The following CFAP44 variants were observed in gnomAD, a reference collection of about 807,000 sequenced individuals.
CFAP44 encodes cilia- and flagella-associated protein 44.
In CFAP44, 134 loss-of-function variants were observed where a neutral mutation model predicts 216.2. The observed-to-expected ratio is 0.62, with a 90% CI of 0.54 to 0.72. The LOEUF (loss-of-function observed/expected upper bound fraction) is 0.72, where lower values mean the gene tolerates loss of function less well. Ranked by LOEUF, CFAP44 falls within the 30% of genes least tolerant of loss-of-function variation. The probability of loss-of-function intolerance (pLI) is 0.00; values close to 1 mark genes in which losing one functional copy is unlikely to be tolerated. For synonymous variants in CFAP44, 700 were observed against 727.6 expected (o/e 0.96, Z 0.61); for missense variants, 2,035 against 2,182.1 (o/e 0.93, Z 1.34).
In CFAP44 at chr3:113,363,278, T is replaced by A. The variant is rs767041703; in HGVS notation, c.2801A>T (p.His934Leu). 6.2e-7 allele frequency: 1 copy of A among 1,611,362 alleles called. No individual in the cohort carries two copies. The highest frequency in any genetic ancestry group is 1.1e-5 in the South Asian group (1 of 89,912). ...TCCCACTTCTTTCATTAACTTGTCA[T>A]GTTCTCTTTTTCTCCTAGCATTCTC... The part of the protein sequence containing the change: ...SIENARRKRE[H>L]DKLMKEVGEI... Residue 934 changes from histidine (H) to leucine (L), a missense_variant, in exon 21 of 35, where the codon CAT (histidine) becomes CTT (leucine). Transcript: ENST00000393845.
chr3:113,367,644 C>T (rs987443400), intron 18 of CFAP44, among the ~76,000 whole-genome samples: 1 of 152,160 alleles, frequency 6.6e-6, no homozygotes. Context: ...AGCAGAAAAG[C>T]TGAAAATTCC....
chr3:113,421,677 C>T (rs1432450073), intron 4 of CFAP44, among the ~76,000 whole-genome samples: 1 of 152,180 alleles, frequency 6.6e-6, no homozygotes, highest in Non-Finnish European at 1.5e-5. Flanking sequence ...GAAATCATGT[C>T]CTTTGCATCA....
Position 113,424,781 on chromosome 3 carries a change from A to G in CFAP44, c.407+1343T>C, listed in dbSNP as rs534646620. ...ACAGCCACCCATCCAGCACGAATAGAGATAATTCATATATTGGAATAAAAG... is the reference window on the plus strand; with the variant it reads ...ACAGCCACCCATCCAGCACGAATAGGGATAATTCATATATTGGAATAAAAG... On this transcript the variant is annotated intron_variant, in intron 4 of 34. Coordinates refer to ENST00000393845, the MANE Select transcript of CFAP44 (RefSeq NM_001164496.2). 2.0e-5 allele frequency among the ~76,000 whole-genome samples: 3 copies of G among 152,330 alleles called. No homozygotes were observed. In the South Asian group the frequency reaches 6.2e-4, roughly 32 times the overall value.
At position 113,355,186 on chromosome 3, in the gene CFAP44, C is replaced by A. The variant is rs995581221; in HGVS notation, c.3065+3559G>T. Among the ~76,000 whole-genome samples the A allele has an allele frequency of 3.3e-5, 5 of 152,104 alleles. No homozygotes were observed. In the East Asian group the frequency reaches 9.6e-4, roughly 29 times the overall value. On this transcript the variant is annotated intron_variant, in intron 22 of 34. Transcript: ENST00000393845. ...CACCACTAAAGAACTTTTCATGTAA[C>A]CAAACACTACCTGTTCCCCCAAAAA...
chr3:113,322,297 T>C (rs1950152515), intron 28 of CFAP44, among the ~76,000 whole-genome samples: 1 of 152,142 alleles, frequency 6.6e-6, no homozygotes, highest in African/African-American at 2.4e-5. Flanking sequence ...ATAAATGGTG[T>C]TGGGATAACT....
chr3:113,416,213 G>A (rs183893431), intron 6 of CFAP44, among the ~76,000 whole-genome samples: 4 of 151,214 alleles, frequency 2.6e-5, no homozygotes, highest in South Asian at 4.2e-4. Context: ...CCATTTACTT[G>A]GTAAATTTTC....
At position 113,289,073 on chromosome 3, in the gene CFAP44, C is replaced by A. The variant is rs972598886; in HGVS notation, c.*2484G>T. 6.6e-6 allele frequency: 1 copy of A among 152,136 alleles called. No individual in the cohort carries two copies. Among genetic ancestry groups the A allele is most frequent in the Admixed American group, 6.5e-5 (1 of 15,276 alleles). 9.4% of individuals were successfully genotyped at this position (152,136 alleles called of 1,614,324 possible). A position where few individuals can be genotyped will look rare whatever the true frequency, so the allele number is the denominator to read the frequency against. The stretch of plus-strand genomic sequence containing the variant: ...CAGGAGCAGGATAGCTTCCCAGCCA[C>A]CCTGCCCATGCCACACCCTGCTGGT... On this transcript the variant is annotated 3_prime_UTR_variant, in exon 35 of 35. Transcript: ENST00000393845.
chr3:113,353,022 G>C (rs1161831266), intron 22 of CFAP44, among the ~76,000 whole-genome samples: 4 of 152,162 alleles, frequency 2.6e-5, no homozygotes, highest in Admixed American at 6.5e-5. Flanking sequence ...AGGAGTTAAG[G>C]AAAAGAGGAT....
At chr3:113,336,070 T>A (rs1429739061) in intron 24 of CFAP44, among the ~76,000 whole-genome samples, 4 of 152,228 alleles carry the variant, frequency 2.6e-5, no homozygotes, top group African/African-American at 9.6e-5. Context: ...AACTCAATGC[T>A]TAGGAGGAAA....
chr3:113,363,682 C>A, intron 19 of CFAP44, 150 bp from the exon 20 acceptor site: 1 of 698,792 alleles, frequency 1.4e-6, no homozygotes. Flanking sequence ...ATCAGTTTCA[C>A]AAAAATCCAA....
At chr3:113,382,530 C>T (rs1255864652) in intron 15 of CFAP44, among the ~76,000 whole-genome samples, 1 of 151,714 alleles carries the variant, frequency 6.6e-6, no homozygotes, top group Admixed American at 6.6e-5. Flanking sequence ...AATATAAGAT[C>T]AAGGAAGTTA....
In CFAP44 at chr3:113,409,150, A is replaced by G; in HGVS notation, c.846T>C (p.Pro282=). ...ATGTAGTAAGCTGCTCTTCCTTATC[A>G]GGATTGAAAGTAACCTTAAAAACTT... The part of the protein sequence containing the change: ...SQEVFKVTFN[P]DKEEQLTTSG... Residue 282 remains proline, a synonymous_variant, in exon 7 of 35, where the codon CCT becomes CCC. Transcript: ENST00000393845. 2.5e-6 allele frequency: 4 copies of G among 1,614,018 alleles called. No individual in the cohort carries two copies. The highest frequency in any genetic ancestry group is 1.3e-5 in the African/African-American group (1 of 75,002).
chr3:113,430,430 A>G (rs958403307), intron 2 of CFAP44, among the ~76,000 whole-genome samples: 7 of 66,834 alleles, frequency 1.0e-4, no homozygotes, highest in Non-Finnish European at 2.0e-4. Flanking sequence ...AAAATAAATG[A>G]AAAAAAAAAA....
intron 29 of CFAP44, among the ~76,000 whole-genome samples, chr3:113,306,700 G>C (rs1275473763): frequency 6.6e-6 from 1 of 152,102 alleles, no homozygotes; most frequent in Non-Finnish European, 1.5e-5. Flanking sequence ...TGGGATTCAA[G>C]TGCATTATCT....
At chr3:113,428,954 C>T (rs955971109) in intron 2 of CFAP44, 3 of 152,034 alleles carry the variant, frequency 2.0e-5, no homozygotes, top group Non-Finnish European at 2.9e-5. Context: ...TACTGCTTCC[C>T]GCAAACAGTT....
At chr3:113,341,632 T>C (rs1241347664) in intron 24 of CFAP44, 112 bp downstream of exon 24, 2 of 1,202,974 alleles carry the variant, frequency 1.7e-6, no homozygotes, top group Non-Finnish European at 2.2e-6. Flanking sequence ...TTTATTGTTT[T>C]CACTTTTGAT....
chr3:113,401,824 T>C, intron 9 of CFAP44, 85 bp from the exon 10 acceptor site: 1 of 1,393,352 alleles, frequency 7.2e-7, no homozygotes, highest in Non-Finnish European at 9.6e-7. Context: ...TGATTTTTTT[T>C]TCAAAAGTCA....
rs572209539 is a variant in CFAP44 at position 113,414,844 on chromosome 3, C to T, written c.673+1681G>A. Among the ~76,000 whole-genome samples the T allele has an allele frequency of 4.6e-5, 7 of 152,004 alleles. No individual in the cohort carries two copies. In the South Asian group the frequency reaches 1.5e-3, roughly 32 times the overall value. On this transcript the variant is annotated intron_variant, in intron 6 of 34. Coordinates refer to ENST00000393845, the MANE Select transcript of CFAP44 (RefSeq NM_001164496.2). Reference sequence around the variant, plus strand: ...TTCTTTTTTTTGTTATGTCTCTTTCCGGTTTTGGTATCAGGATGATGCTGG... The same window carrying T: ...TTCTTTTTTTTGTTATGTCTCTTTCTGGTTTTGGTATCAGGATGATGCTGG...
At chr3:113,326,378 C>T (rs1458916003) in intron 28 of CFAP44, 67 bp downstream of exon 28, 1 of 1,371,220 alleles carries the variant, frequency 7.3e-7, no homozygotes. Flanking sequence ...TAATAGGTCC[C>T]TTAGTTACCT....
Sources: allele counts gnomAD v4.1 joint callset (sites outside exome capture counted in the v4.1 genomes callset), GRCh38; gene constraint gnomAD v4.1.1; transcripts MANE v1.5; gene names NCBI Gene and HGNC (gene_info 2026-07-23, HGNC 2026-07-21).